WDFY3: variants seen among roughly 807,000 people sequenced by gnomAD.
WDFY3 encodes WD repeat and FYVE domain containing 3, also known as WD repeat and FYVE domain-containing protein 3.
Under a neutral mutation model 409.6 loss-of-function variants are expected in WDFY3, and 66 were observed. The observed-to-expected ratio is 0.16, with a 90% CI of 0.13 to 0.20. The LOEUF (loss-of-function observed/expected upper bound fraction) is 0.20. WDFY3 is among the 10% of genes least tolerant of loss of function. The probability of loss-of-function intolerance (pLI) is 1.00; values close to 1 mark genes in which losing one functional copy is unlikely to be tolerated. For synonymous variants in WDFY3, 1,521 were observed against 1,537.1 expected (o/e 0.99, Z 0.25); for missense variants, 3,031 against 4,298.1 (o/e 0.71, Z 8.24).
chr4:84,683,925 T>C lies in WDFY3; in HGVS notation c.9726+18A>G. Reference sequence around the variant, plus strand: ...GGATGACAAATATCCTAATGAGTTTTTCTCTCAGTTCACTTACCCGAACCA... The same window carrying C: ...GGATGACAAATATCCTAATGAGTTTCTCTCTCAGTTCACTTACCCGAACCA... On this transcript the variant is annotated intron_variant, in intron 63 of 67. Transcript: ENST00000295888. The C allele has an allele frequency of 1.9e-6, 3 of 1,565,864 alleles. No individual in the cohort carries two copies. The highest frequency in any genetic ancestry group is 2.6e-6 in the Non-Finnish European group (3 of 1,146,614).
At chr4:84,911,472 G>A (rs976415086) in intron 2 of WDFY3, among the ~76,000 whole-genome samples, 1 of 152,164 alleles carries the variant, frequency 6.6e-6, no homozygotes, top group Non-Finnish European at 1.5e-5. Flanking sequence ...GGGTGACAGA[G>A]TGAGACCCTG....
Position 84,817,523 on chromosome 4 carries a change from G to A in WDFY3, c.1756C>T (p.Arg586Trp). ...TGGATAGTCATCAAGGCATGCTGCC[G>A]GCATTGAGGGTACTTTACTATATTA... is the stretch of plus-strand genomic sequence containing the variant. The part of the protein sequence containing the change: ...AHNIVKYPQC[R>W]QHALMTIQQL... The change falls in exon 13 of 68, where the codon CGG becomes TGG. Residue 586 changes from arginine to tryptophan, a missense_variant. Around this residue, in one of 16 missense-constraint regions of WDFY3, gnomAD observed 1,322 missense variants for 1,697.9 expected, o/e 0.78. Coordinates refer to ENST00000295888, the MANE Select transcript of WDFY3 (RefSeq NM_014991.6). 2 of 1,613,726 alleles carry A rather than the reference G, an allele frequency of 1.2e-6. No individual in the cohort carries two copies. Among genetic ancestry groups the A allele is most frequent in the Non-Finnish European group, 1.7e-6 (2 of 1,179,798 alleles).
intron 4 of WDFY3, among the ~76,000 whole-genome samples, chr4:84,857,969 T>C (rs1760008443): frequency 6.6e-6 from 1 of 152,202 alleles, no homozygotes; most frequent in South Asian, 2.1e-4. Flanking sequence ...AGGCCAGTAC[T>C]GATAAGGTTT....
At chr4:84,719,427 A>G (rs1056142640) in intron 47 of WDFY3, among the ~76,000 whole-genome samples, 1 of 152,246 alleles carries the variant, frequency 6.6e-6, no homozygotes, top group Non-Finnish European at 1.5e-5. Flanking sequence ...GAGTCAAGAC[A>G]AAAATCAGCA....
chr4:84,741,755 G>T lies in WDFY3; in HGVS notation c.6234+6C>A. ...TACTCTACAACTGATAGTGACAATGGATTACCTGTGCAATTAGTTGAATTA... is the reference window on the plus strand; with the variant it reads ...TACTCTACAACTGATAGTGACAATGTATTACCTGTGCAATTAGTTGAATTA... On this transcript the variant is annotated splice_donor_region_variant and intron_variant, in intron 38 of 67. Transcript: ENST00000295888. 4 of 1,604,374 alleles carry T rather than the reference G, an allele frequency of 2.5e-6. No homozygotes were observed. Among genetic ancestry groups the T allele is most frequent in the Non-Finnish European group, 2.6e-6 (3 of 1,173,310 alleles).
At chr4:84,870,127 A>G (rs1159275951) in intron 3 of WDFY3, among the ~76,000 whole-genome samples, 1 of 152,258 alleles carries the variant, frequency 6.6e-6, no homozygotes, top group Non-Finnish European at 1.5e-5. Context: ...TAACAGATCA[A>G]TAGGTAATTC....
chr4:84,770,541 G>A (rs1273294753), intron 30 of WDFY3, among the ~76,000 whole-genome samples: 2 of 152,138 alleles, frequency 1.3e-5, no homozygotes, highest in Non-Finnish European at 2.9e-5. Flanking sequence ...TAACGCTCAG[G>A]CTAAAGTTTC....
At chr4:84,958,683 A>C (rs1443552170) in intron 1 of WDFY3, among the ~76,000 whole-genome samples, 1 of 152,182 alleles carries the variant, frequency 6.6e-6, no homozygotes, top group Non-Finnish European at 1.5e-5. Flanking sequence ...AAACACACTG[A>C]GCTCAGAAGT....
At chr4:84,894,397 G>A (rs902401856) in intron 3 of WDFY3, among the ~76,000 whole-genome samples, 1 of 152,130 alleles carries the variant, frequency 6.6e-6, no homozygotes, top group East Asian at 1.9e-4. Context: ...AGGGGCTCAT[G>A]CCTGTAATCT....
chr4:84,957,275 A>C (rs1203401246), intron 1 of WDFY3, among the ~76,000 whole-genome samples: 3 of 150,806 alleles, frequency 2.0e-5, no homozygotes, highest in East Asian at 1.9e-4. Flanking sequence ...AAAAAAAAAA[A>C]CAAAACTACA....
chr4:84,938,242 A>C (rs1044915239), intron 1 of WDFY3, among the ~76,000 whole-genome samples: 1 of 152,158 alleles, frequency 6.6e-6, no homozygotes, highest in Non-Finnish European at 1.5e-5. Context: ...TTAAGGCTAA[A>C]AATGGGAATC....
intron 58 of WDFY3, among the ~76,000 whole-genome samples, chr4:84,694,639 A>C (rs80094085): frequency 0.067 from 10,230 of 152,286 alleles, 474 homozygotes; most frequent in Admixed American, 0.12. Flanking sequence ...TTTTGCTTTA[A>C]AAGTAAACAC....
chr4:84,944,081 AT>A (rs1406376879), intron 1 of WDFY3, among the ~76,000 whole-genome samples: 1 of 152,246 alleles, frequency 6.6e-6, no homozygotes, highest in Non-Finnish European at 1.5e-5. Context: ...AACTCGTGTA[AT>A]GATTTTCAAT....
rs199974405 is a variant in WDFY3, at chr4:84,862,694, AT to A, written c.-31-2073del. ...ATGATACTCCAACACTTCAAAAAAA[AT>A]TTTTTTTTTCTGCTGGGCGCGGCGG... On this transcript the variant is annotated intron_variant, in intron 3 of 67. Transcript: ENST00000295888. Among the ~76,000 whole-genome samples the A allele has an allele frequency of 7.5e-3, 1,137 of 150,722 alleles. 15 individuals carry two copies. The highest frequency in any genetic ancestry group is 0.026 in the African/African-American group (1,080 of 41,212).
At chr4:84,772,716 G>T in intron 30 of WDFY3, 119 bp downstream of exon 30, 1 of 816,190 alleles carries the variant, frequency 1.2e-6, no homozygotes, top group Non-Finnish European at 1.9e-6. Context: ...AATGTAAGGA[G>T]AAAAGTTATA....
chr4:84,836,637 T>C (rs1560886310), intron 7 of WDFY3, among the ~76,000 whole-genome samples: 1 of 152,102 alleles, frequency 6.6e-6, no homozygotes, highest in Non-Finnish European at 1.5e-5. Flanking sequence ...TTTTCAAGTT[T>C]TCCTTGCTTA....
chr4:84,911,183 C>G (rs1424860919), intron 2 of WDFY3, among the ~76,000 whole-genome samples: 1 of 152,020 alleles, frequency 6.6e-6, no homozygotes, highest in African/African-American at 2.4e-5. Flanking sequence ...AAGGGTTATC[C>G]AGAACACATA....
chr4:84,955,803 C>T (rs1410991767), intron 1 of WDFY3, among the ~76,000 whole-genome samples: 2 of 151,946 alleles, frequency 1.3e-5, no homozygotes, highest in Non-Finnish European at 2.9e-5. Flanking sequence ...TACTAAGTAA[C>T]GAATATTTTG....
intron 3 of WDFY3, among the ~76,000 whole-genome samples, chr4:84,883,480 A>G (rs1763810865): frequency 6.6e-6 from 1 of 152,288 alleles, no homozygotes; most frequent in Admixed American, 6.5e-5. Context: ...ATAAAATATA[A>G]AATACTACCT....
Sources: gnomAD v4.1 joint callset for allele counts (sites outside exome capture counted in the v4.1 genomes callset) on GRCh38, gnomAD v4.1.1 for gene constraint, gnomAD v4.1.1 regional missense constraint, MANE v1.5 for transcripts, NCBI Gene and HGNC (gene_info 2026-07-23, HGNC 2026-07-21) for gene names.